The following KCNIP4 variants were observed in gnomAD, a reference collection of about 807,000 sequenced individuals.
KCNIP4 encodes the protein potassium voltage-gated channel interacting protein 4, also known as Kv channel-interacting protein 4.
KCNIP4 carries 12 observed loss-of-function variants against 34.0 expected under a neutral mutation model. That is an observed-to-expected ratio of 0.35 (90% CI 0.23 to 0.57). The LOEUF (loss-of-function observed/expected upper bound fraction) is 0.57, where lower values mean the gene tolerates loss of function less well. Among genes scored for constraint, KCNIP4 ranks in the 20% least tolerant of loss-of-function variants. The probability of loss-of-function intolerance (pLI) is 0.83; values close to 1 mark genes in which losing one functional copy is unlikely to be tolerated. For missense variants in KCNIP4, 238 were observed against 311.7 expected, an observed-to-expected ratio of 0.76 and a Z score of 1.78; for synonymous variants, 124 against 102.2, an observed-to-expected ratio of 1.21 and a Z score of -1.29.
intron 2 of KCNIP4, among the ~76,000 whole-genome samples, chr4:20,864,519 A>T (rs1434992515): frequency 6.6e-6 from 1 of 151,976 alleles, no homozygotes; most frequent in Non-Finnish European, 1.5e-5. Context: ...TCATGGTCAC[A>T]CCATAACAGA....
chr4:20,974,216 G>T (rs555178026), intron 1 of KCNIP4, among the ~76,000 whole-genome samples: 2 of 152,276 alleles, frequency 1.3e-5, no homozygotes, highest in Admixed American at 6.5e-5. Flanking sequence ...TCTGGACACC[G>T]TGAAAATACA....
At chr4:21,146,125 G>A (rs982985691) in intron 1 of KCNIP4, among the ~76,000 whole-genome samples, 7 of 152,200 alleles carry the variant, frequency 4.6e-5, no homozygotes, top group South Asian at 2.1e-4. Context: ...TCGGCCGGGC[G>A]CAGTGGCTCA....
At chr4:21,226,870 T>C (rs1210428139) in intron 1 of KCNIP4, among the ~76,000 whole-genome samples, 1 of 151,064 alleles carries the variant, frequency 6.6e-6, no homozygotes, top group African/African-American at 2.4e-5. Context: ...AACCAGTAAT[T>C]TTTTTTTTAC....
intron 1 of KCNIP4, among the ~76,000 whole-genome samples, chr4:20,909,210 A>G (rs1728093167): frequency 2.6e-5 from 4 of 152,168 alleles, no homozygotes. Context: ...TGCCTTTGGA[A>G]TGCAGGAGTT....
intron 1 of KCNIP4, among the ~76,000 whole-genome samples, chr4:21,831,456 A>T (rs1024398428): frequency 3.3e-5 from 5 of 151,924 alleles, no homozygotes; most frequent in Non-Finnish European, 5.9e-5. Flanking sequence ...ATCAGAAGTG[A>T]CAGAGGAATC....
intron 1 of KCNIP4, among the ~76,000 whole-genome samples, chr4:21,781,878 C>A (rs960314833): frequency 6.6e-6 from 1 of 151,904 alleles, no homozygotes; most frequent in South Asian, 2.1e-4. Flanking sequence ...AGTGTTGACA[C>A]CAGTAAACTT....
intron 1 of KCNIP4, among the ~76,000 whole-genome samples, chr4:21,814,297 C>A (rs1721839593): frequency 6.6e-6 from 1 of 152,112 alleles, no homozygotes; most frequent in Non-Finnish European, 1.5e-5. Flanking sequence ...TGTCCCCACC[C>A]AAATCTTATC....
In KCNIP4 at chr4:21,568,521, G is replaced by A. The variant is rs191984164; in HGVS notation, c.61+380050C>T. ...GAGATGCAGACCCACCCTCAATCTG[G>A]GTGGGCACCATCTAATCAGCTGCCA... On this transcript the variant is annotated intron_variant, in intron 1 of 8. Transcript: ENST00000382152. 3.5e-3 allele frequency among the ~76,000 whole-genome samples: 528 copies of A among 152,214 alleles called. 3 individuals carry two copies. Among genetic ancestry groups the A allele is most frequent in the African/African-American group, 0.012 (511 of 41,534 alleles).
At chr4:21,942,564 C>A (rs113128385) in intron 1 of KCNIP4, among the ~76,000 whole-genome samples, 1,874 of 152,312 alleles carry the variant, frequency 0.012, 34 homozygotes, top group African/African-American at 0.043. Context: ...GGAGCATTAT[C>A]TTGATGTCAT....
chr4:21,675,485 G>A (rs981010965), intron 1 of KCNIP4, among the ~76,000 whole-genome samples: 10 of 152,092 alleles, frequency 6.6e-5, no homozygotes, highest in Non-Finnish European at 1.5e-4. Context: ...AATGCTTGAG[G>A]GGATGGACAC....
chr4:21,514,366 G>A (rs1734583542), intron 1 of KCNIP4, among the ~76,000 whole-genome samples: 1 of 152,154 alleles, frequency 6.6e-6, no homozygotes. Context: ...CAGGCAATCA[G>A]ATTGCTACAA....
At chr4:21,397,592 T>G (rs967415060) in intron 1 of KCNIP4, among the ~76,000 whole-genome samples, 1 of 152,200 alleles carries the variant, frequency 6.6e-6, no homozygotes, top group Non-Finnish European at 1.5e-5. Context: ...TACAGGATCC[T>G]TCAAAACAAG....
chr4:21,697,564 C>A, intron 1 of KCNIP4: 1 of 1,408,310 alleles, frequency 7.1e-7, no homozygotes, highest in Non-Finnish European at 9.1e-7. Context: ...TGCCTTACAA[C>A]TCCTGTGGAA....
chr4:21,375,715 T>C lies in KCNIP4; in HGVS notation c.62-493006A>G, dbSNP rs540835181. ...CCGAGTAGCTGGGACTACAGGCGCC[T>C]GCCACCACGCCCAGCTAATTTTTTT... is the stretch of plus-strand genomic sequence containing the variant. On this transcript the variant is annotated intron_variant, in intron 1 of 8. Coordinates refer to ENST00000382152, the MANE Select transcript of KCNIP4 (RefSeq NM_025221.6). Among the ~76,000 whole-genome samples, 39 of 151,860 alleles carry C rather than the reference T, an allele frequency of 2.6e-4. No individual in the cohort carries two copies. The South Asian group carries it at 5.6e-3, about 22-fold the overall frequency.
At chr4:21,618,607 CTTTTCTTTTTCT>C (rs1214072984) in intron 1 of KCNIP4, among the ~76,000 whole-genome samples, 6 of 125,050 alleles carry the variant, frequency 4.8e-5, no homozygotes, top group African/African-American at 1.5e-4. Flanking sequence ...TATATATTTT[CTTTTCTTTTTCT>C]TTTTCTTTTT....
chr4:20,940,860 G>T (rs944979924), intron 1 of KCNIP4, among the ~76,000 whole-genome samples: 1 of 152,178 alleles, frequency 6.6e-6, no homozygotes, highest in African/African-American at 2.4e-5. Context: ...CTGAACCGCT[G>T]CTGTAAGAAG....
intron 1 of KCNIP4, among the ~76,000 whole-genome samples, chr4:21,173,726 C>T (rs965028078): frequency 6.6e-6 from 1 of 152,140 alleles, no homozygotes; most frequent in Non-Finnish European, 1.5e-5. Flanking sequence ...TGCAGCAAGC[C>T]GTGGACCCCA....
chr4:20,919,205 T>C (rs375469645), intron 1 of KCNIP4, among the ~76,000 whole-genome samples: 1 of 152,128 alleles, frequency 6.6e-6, no homozygotes, highest in South Asian at 2.1e-4. Context: ...GACCTGAGTT[T>C]CAATCTAGTA....
intron 4 of KCNIP4, among the ~76,000 whole-genome samples, chr4:20,750,271 C>T (rs1273558197): frequency 2.0e-5 from 3 of 152,066 alleles, no homozygotes; most frequent in Non-Finnish European, 4.4e-5. Context: ...GAACTTAGGT[C>T]TTTCTGACTC....
Sources: gnomAD v4.1 joint callset for allele counts (sites outside exome capture counted in the v4.1 genomes callset) on GRCh38, gnomAD v4.1.1 for gene constraint, MANE v1.5 for transcripts, NCBI Gene and HGNC (gene_info 2026-07-23, HGNC 2026-07-21) for gene names.